The following ITGBL1 variants were observed in gnomAD, a reference collection of about 807,000 sequenced individuals.
The protein encoded by ITGBL1 is integrin beta-like protein 1.
Under a neutral mutation model 68.5 loss-of-function variants are expected in ITGBL1, and 51 were observed. The ratio of observed to expected loss-of-function variants is 0.74; its 90% CI spans 0.59 to 0.94. The LOEUF is 0.94. ITGBL1 is among the 40% of genes least tolerant of loss of function. ITGBL1 has a pLI of 0.00. For synonymous variants in ITGBL1, 209 were observed against 227.3 expected (o/e 0.92, Z 0.72); for missense variants, 649 against 647.4 (o/e 1.00, Z -0.03).
At chr13:101,698,086 C>T (rs2034044085) in intron 8 of ITGBL1, among the ~76,000 whole-genome samples, 1 of 152,102 alleles carries the variant, frequency 6.6e-6, no homozygotes, top group African/African-American at 2.4e-5. Flanking sequence ...CAGAGAATAA[C>T]AAAATAAGAG....
intron 2 of ITGBL1, among the ~76,000 whole-genome samples, chr13:101,510,538 G>C (rs904302570): frequency 1.3e-5 from 2 of 152,038 alleles, no homozygotes; most frequent in South Asian, 4.1e-4. Flanking sequence ...TAGGTCAAAT[G>C]GTAGCTCTGT....
intron 7 of ITGBL1, 108 bp from the exon 8 acceptor site, chr13:101,692,477 C>A: frequency 1.3e-6 from 1 of 742,948 alleles, no homozygotes; most frequent in Non-Finnish European, 2.4e-6. Flanking sequence ...CAGGCACAGA[C>A]TGGAACTATT....
At chr13:101,695,538 G>C (rs1173781268) in intron 8 of ITGBL1, among the ~76,000 whole-genome samples, 2 of 152,238 alleles carry the variant, frequency 1.3e-5, no homozygotes, top group Non-Finnish European at 2.9e-5. Flanking sequence ...CTGGTTGTCA[G>C]ATGGAGTATG....
intron 2 of ITGBL1, among the ~76,000 whole-genome samples, chr13:101,561,123 A>G (rs1487672596): frequency 1.3e-5 from 2 of 152,120 alleles, no homozygotes; most frequent in Non-Finnish European, 2.9e-5. Context: ...AGGTGCTGAG[A>G]AGGGTGGTGG....
At chr13:101,704,494 A>AAAAC (rs1193031030) in intron 8 of ITGBL1, among the ~76,000 whole-genome samples, 1 of 151,206 alleles carries the variant, frequency 6.6e-6, no homozygotes, top group African/African-American at 2.4e-5. Flanking sequence ...TAAAAAAAAA[A>AAAAC]AAAAAAAAAG....
At chr13:101,683,056 T>C (rs949519002) in intron 7 of ITGBL1, among the ~76,000 whole-genome samples, 3 of 152,100 alleles carry the variant, frequency 2.0e-5, no homozygotes, top group African/African-American at 7.2e-5. Context: ...TTTTGAATAA[T>C]CCATTATGCC....
intron 9 of ITGBL1, among the ~76,000 whole-genome samples, chr13:101,709,395 A>AAAG (rs2034356918): frequency 6.9e-6 from 1 of 144,254 alleles, no homozygotes; most frequent in South Asian, 2.3e-4. Context: ...AAAAAAAAAA[A>AAAG]AAAGAAAAGC....
At chr13:101,484,284 A>G (rs2048669893) in intron 2 of ITGBL1, among the ~76,000 whole-genome samples, 1 of 152,150 alleles carries the variant, frequency 6.6e-6, no homozygotes, top group African/African-American at 2.4e-5. Flanking sequence ...AGAATTACAA[A>G]ATACCTAGAA....
chr13:101,709,917 T>G (rs9582518), intron 9 of ITGBL1, among the ~76,000 whole-genome samples: 22,629 of 152,202 alleles, frequency 0.15, 2,080 homozygotes, highest in East Asian at 0.43. Context: ...TCTCAGAAAA[T>G]AAATATGCTT....
At chr13:101,655,223 C>T (rs2032879927) in intron 7 of ITGBL1, among the ~76,000 whole-genome samples, 1 of 152,186 alleles carries the variant, frequency 6.6e-6, no homozygotes, top group African/African-American at 2.4e-5. Flanking sequence ...CTTGAAATCT[C>T]ACCACACTGC....
At chr13:101,621,871 C>T (rs2031598124) in intron 7 of ITGBL1, among the ~76,000 whole-genome samples, 1 of 152,002 alleles carries the variant, frequency 6.6e-6, no homozygotes, top group Non-Finnish European at 1.5e-5. Context: ...TCCCCAAAGC[C>T]TGGATCAGAC....
At chr13:101,648,896 A>T (rs1174780744) in intron 7 of ITGBL1, among the ~76,000 whole-genome samples, 1 of 152,144 alleles carries the variant, frequency 6.6e-6, no homozygotes, top group East Asian at 1.9e-4. Context: ...TGTTAAATTG[A>T]TCTGTTCACT....
intron 2 of ITGBL1, among the ~76,000 whole-genome samples, chr13:101,493,867 A>G (rs570005668): frequency 6.6e-6 from 1 of 152,208 alleles, no homozygotes; most frequent in South Asian, 2.1e-4. Context: ...TGTGCAAAGT[A>G]TGTTGCCATC....
intron 2 of ITGBL1, among the ~76,000 whole-genome samples, chr13:101,565,818 C>T (rs7989350): frequency 0.81 from 122,549 of 151,964 alleles, 49,642 homozygotes; most frequent in African/African-American, 0.89. Context: ...CTCCATGAAC[C>T]CACTTCAGGG....
Position 101,579,329 on chromosome 13 carries a change from G to A in ITGBL1, c.629G>A (p.Gly210Asp), listed in dbSNP as rs2139280223. The change falls in exon 5 of 11, where the codon GGT (glycine) becomes GAT (aspartate). Residue 210 changes from glycine to aspartate, a missense_variant. Transcript: ENST00000376180. ...CYCGNCYCKA[G>D]WHGDKCEFQC... ...TGTGGAAACTGCTACTGCAAGGCTGGTTGGCATGGAGATAAATGTGAATTC... is the reference window on the plus strand; with the variant it reads ...TGTGGAAACTGCTACTGCAAGGCTGATTGGCATGGAGATAAATGTGAATTC... 4 of 1,613,954 alleles carry A rather than the reference G, an allele frequency of 2.5e-6. No individual in the cohort carries two copies. The highest frequency in any genetic ancestry group is 2.2e-5 in the East Asian group (1 of 44,854).
chr13:101,672,266 C>G (rs1474606623), intron 7 of ITGBL1, among the ~76,000 whole-genome samples: 6 of 152,198 alleles, frequency 3.9e-5, no homozygotes, highest in Non-Finnish European at 8.8e-5. Context: ...TATCTGTAGA[C>G]TAGACTGGAT....
At chr13:101,542,783 T>G (rs2049734472) in intron 2 of ITGBL1, among the ~76,000 whole-genome samples, 1 of 152,254 alleles carries the variant, frequency 6.6e-6, no homozygotes, top group Non-Finnish European at 1.5e-5. Context: ...GCTCTTCTTG[T>G]TGAACTGATC....
chr13:101,541,592 T>C (rs1289918635), intron 2 of ITGBL1, among the ~76,000 whole-genome samples: 1 of 152,206 alleles, frequency 6.6e-6, no homozygotes, highest in Admixed American at 6.5e-5. Context: ...GAGGATTCCC[T>C]CTTTTTCTGT....
At chr13:101,454,282 C>T (rs1211592823) in intron 2 of ITGBL1, among the ~76,000 whole-genome samples, 182 bp downstream of exon 2, 3 of 152,150 alleles carry the variant, frequency 2.0e-5, no homozygotes, top group Non-Finnish European at 2.9e-5. Flanking sequence ...ACACTTTTAT[C>T]CCCCAGGCTC....
Sources: gnomAD v4.1 joint callset for allele counts (sites outside exome capture counted in the v4.1 genomes callset) on GRCh38, gnomAD v4.1.1 for gene constraint, MANE v1.5 for transcripts, NCBI Gene and HGNC (gene_info 2026-07-23, HGNC 2026-07-21) for gene names.